Variants in ARHGAP24 observed in about 807,000 individuals in gnomAD.
ARHGAP24 encodes Rho GTPase activating protein 24.
ARHGAP24 carries 50 observed loss-of-function variants against 76.4 expected under a neutral mutation model. The ratio of observed to expected loss-of-function variants is 0.65; its 90% CI spans 0.52 to 0.83. The LOEUF (loss-of-function observed/expected upper bound fraction) is 0.83. Ranked by LOEUF, ARHGAP24 falls within the 40% of genes least tolerant of loss-of-function variation. The pLI is 0.00. For synonymous variants in ARHGAP24, 345 were observed against 323.3 expected, an observed-to-expected ratio of 1.07 and a Z score of -0.72; for missense variants, 930 against 914.2, an observed-to-expected ratio of 1.02 and a Z score of -0.22.
chr4:85,914,074 G>T (rs1461213383), intron 3 of ARHGAP24, among the ~76,000 whole-genome samples: 2 of 152,174 alleles, frequency 1.3e-5, no homozygotes, highest in Non-Finnish European at 2.9e-5. Flanking sequence ...GCCAGACTCA[G>T]TCATCTCAAC....
intron 1 of ARHGAP24, among the ~76,000 whole-genome samples, chr4:85,485,402 T>A (rs1723008851): frequency 1.8e-5 from 2 of 113,822 alleles, no homozygotes; most frequent in African/African-American, 6.9e-5. Context: ...TATATATATA[T>A]ATATATATAT....
intron 2 of ARHGAP24, among the ~76,000 whole-genome samples, chr4:85,714,093 T>A (rs1054940409): frequency 6.6e-6 from 1 of 152,106 alleles, no homozygotes; most frequent in African/African-American, 2.4e-5. Context: ...TCAAAACATG[T>A]TGAAAAACAG....
intron 2 of ARHGAP24, among the ~76,000 whole-genome samples, chr4:85,710,431 C>T (rs372255546): frequency 2.0e-5 from 3 of 151,998 alleles, no homozygotes; most frequent in South Asian, 2.1e-4. Context: ...GCAAATATTT[C>T]GTGACAGAGA....
At chr4:85,997,361 AGATGATAGAT>A (rs1740728398) in intron 9 of ARHGAP24, among the ~76,000 whole-genome samples, 1 of 130,300 alleles carries the variant, frequency 7.7e-6, no homozygotes, top group African/African-American at 4.4e-5. Context: ...GATAATAGAT[AGATGATAGAT>A]ATAGATAGAT....
intron 3 of ARHGAP24, among the ~76,000 whole-genome samples, chr4:85,737,228 T>A (rs566639553): frequency 1.3e-5 from 2 of 152,304 alleles, no homozygotes; most frequent in East Asian, 3.9e-4. Context: ...CCAGTGCCTA[T>A]GAACTGGTGC....
chr4:85,632,373 G>A (rs1411679835), intron 2 of ARHGAP24, among the ~76,000 whole-genome samples: 1 of 151,950 alleles, frequency 6.6e-6, no homozygotes, highest in African/African-American at 2.4e-5. Context: ...GGAGAACTGG[G>A]AACATGTGTT....
intron 8 of ARHGAP24, among the ~76,000 whole-genome samples, chr4:85,981,159 G>A (rs182953114): frequency 4.3e-4 from 66 of 152,310 alleles, no homozygotes; most frequent in Middle Eastern, 3.4e-3. Flanking sequence ...TATTTGAGCA[G>A]CACTAACTGA....
At chr4:85,552,712 G>A (rs1726189893) in intron 1 of ARHGAP24, among the ~76,000 whole-genome samples, 1 of 152,254 alleles carries the variant, frequency 6.6e-6, no homozygotes, top group Admixed American at 6.5e-5. Flanking sequence ...TGTGTCAAGT[G>A]CATACATATA....
At chr4:85,876,640 T>C (rs1282466304) in intron 3 of ARHGAP24, among the ~76,000 whole-genome samples, 1 of 152,192 alleles carries the variant, frequency 6.6e-6, no homozygotes, top group East Asian at 1.9e-4. Flanking sequence ...ATATTAGATA[T>C]CTTTCTTATC....
At chr4:85,696,419 A>G (rs759607515) in intron 2 of ARHGAP24, among the ~76,000 whole-genome samples, 2 of 152,152 alleles carry the variant, frequency 1.3e-5, no homozygotes, top group Non-Finnish European at 2.9e-5. Context: ...AGATATTTAC[A>G]CAATATTTTT....
intron 1 of ARHGAP24, among the ~76,000 whole-genome samples, chr4:85,528,104 C>T (rs556520915): frequency 5.7e-4 from 87 of 152,006 alleles, no homozygotes; most frequent in Non-Finnish European, 1.1e-3. Flanking sequence ...AACACCTAAC[C>T]CTGCGAGAGC....
intron 3 of ARHGAP24, among the ~76,000 whole-genome samples, chr4:85,740,130 A>G (rs1445254794): frequency 6.6e-6 from 1 of 151,548 alleles, no homozygotes; most frequent in African/African-American, 2.4e-5. Flanking sequence ...CTTATCATTC[A>G]AATCTCTATT....
chr4:85,621,771 A>G (rs1382997237), intron 2 of ARHGAP24, among the ~76,000 whole-genome samples: 1 of 152,238 alleles, frequency 6.6e-6, no homozygotes, highest in African/African-American at 2.4e-5. Flanking sequence ...TAGTTTAATT[A>G]GGTTATAATT....
intron 3 of ARHGAP24, among the ~76,000 whole-genome samples, chr4:85,742,615 A>C (rs1486773626): frequency 6.6e-6 from 1 of 152,242 alleles, no homozygotes. Flanking sequence ...AATGCCATTA[A>C]AATCGGTTCT....
intron 3 of ARHGAP24, among the ~76,000 whole-genome samples, chr4:85,803,163 T>C (rs28648954): frequency 0.081 from 12,310 of 152,270 alleles, 1,374 homozygotes; most frequent in African/African-American, 0.26. Flanking sequence ...TTATACTTTG[T>C]GGTTGTATTC....
chr4:85,850,402 C>A (rs149281050), intron 3 of ARHGAP24, among the ~76,000 whole-genome samples: 1 of 151,998 alleles, frequency 6.6e-6, no homozygotes, highest in African/African-American at 2.4e-5. Flanking sequence ...AAAACCAGTT[C>A]GTGGATTCAT....
At chr4:85,798,578 G>A (rs377317591) in intron 3 of ARHGAP24, among the ~76,000 whole-genome samples, 91 of 152,304 alleles carry the variant, frequency 6.0e-4, no homozygotes, top group African/African-American at 2.1e-3. Context: ...TCTGAGTTTA[G>A]TTAATAGTAT....
At chr4:85,935,829 T>A (rs1275206651) in intron 4 of ARHGAP24, among the ~76,000 whole-genome samples, 1 of 152,210 alleles carries the variant, frequency 6.6e-6, no homozygotes, top group Non-Finnish European at 1.5e-5. Context: ...TGTAACACTT[T>A]CTTAATCCTT....
At chr4:85,630,446 G>A (rs1237589220) in intron 2 of ARHGAP24, among the ~76,000 whole-genome samples, 2 of 152,122 alleles carry the variant, frequency 1.3e-5, no homozygotes. Flanking sequence ...ATTGGTGTGT[G>A]CACATTTGAA....
Sources: gnomAD v4.1 joint callset for allele counts (sites outside exome capture counted in the v4.1 genomes callset) on GRCh38, gnomAD v4.1.1 for gene constraint, MANE v1.5 for transcripts, NCBI Gene and HGNC (gene_info 2026-07-23, HGNC 2026-07-21) for gene names.